AKNA: variants seen among roughly 807,000 people sequenced by gnomAD.
AKNA encodes the protein microtubule organization protein AKNA.
In AKNA, 67 loss-of-function variants were observed where a neutral mutation model predicts 138.8. That is an observed-to-expected ratio of 0.48 (90% CI 0.40 to 0.59). The LOEUF (loss-of-function observed/expected upper bound fraction) is 0.59. Ranked by LOEUF, AKNA falls within the 20% of genes least tolerant of loss-of-function variation. The pLI is 0.00. For synonymous variants in AKNA, 737 were observed against 754.4 expected (o/e 0.98, Z 0.38); for missense variants, 1,813 against 1,880.4 (o/e 0.96, Z 0.66).
At chr9:114,371,827 G>A (rs1832790244) in intron 4 of AKNA, among the ~76,000 whole-genome samples, 1 of 152,162 alleles carries the variant, frequency 6.6e-6, no homozygotes, top group South Asian at 2.1e-4. Context: ...TCTGAGCAGA[G>A]TGAAATGGCT....
In AKNA at chr9:114,366,437, A is replaced by G. The variant is rs372406511; in HGVS notation, c.1728+1106T>C. Among the ~76,000 whole-genome samples the G allele has an allele frequency of 1.2e-3, 176 of 152,280 alleles. 5 individuals carry two copies. In the South Asian group the frequency reaches 0.033, roughly 28 times the overall value. ...AGACATCCACAATAGGCAAGCCTAT[A>G]AAGACAGGAAGCAGAAGAGCAGCCG... On this transcript the variant is annotated intron_variant, in intron 6 of 21. Coordinates refer to ENST00000374088, the MANE Select transcript of AKNA (RefSeq NM_001317950.2).
chr9:114,332,002 G>A, downstream of AKNA: 1 of 1,396,920 alleles, frequency 7.2e-7, no homozygotes, highest in Non-Finnish European at 1.0e-6. Flanking sequence ...GCCCAGAGCA[G>A]GAAAGCTGCC....
chr9:114,396,684 A>C, upstream of AKNA: 1 of 151,142 alleles, frequency 6.6e-6, no homozygotes, highest in African/African-American at 2.4e-5. Flanking sequence ...TCTCAAAAAA[A>C]AAAAGAAAAA....
At chr9:114,382,539 C>T (rs967665465) in intron 1 of AKNA, among the ~76,000 whole-genome samples, 22 of 148,242 alleles carry the variant, frequency 1.5e-4, no homozygotes, top group African/African-American at 5.0e-4. Context: ...GCCATGACAG[C>T]GCCACTGCAC....
upstream of AKNA, among the ~76,000 whole-genome samples, chr9:114,392,507 C>T (rs1436385691): frequency 3.3e-5 from 5 of 152,218 alleles, no homozygotes; most frequent in Admixed American, 6.5e-5. Context: ...TCCCAGATTC[C>T]ACATCTGTAA....
At chr9:114,354,427 T>A (rs531334233) in intron 14 of AKNA, among the ~76,000 whole-genome samples, 2 of 152,224 alleles carry the variant, frequency 1.3e-5, no homozygotes, top group South Asian at 4.1e-4. Flanking sequence ...TAGTTAACAT[T>A]TTTAGGCTGG....
chr9:114,331,652 G>A (rs376804960), downstream of AKNA: 31 of 1,613,832 alleles, frequency 1.9e-5, no homozygotes, highest in Admixed American at 1.7e-5. Flanking sequence ...ACGATGAGAA[G>A]AACTGGGGGC....
chr9:114,382,028 G>A (rs1435582096), intron 1 of AKNA, among the ~76,000 whole-genome samples: 1 of 152,190 alleles, frequency 6.6e-6, no homozygotes, highest in Non-Finnish European at 1.5e-5. Flanking sequence ...GGTGTTGAAT[G>A]CATGCTAGCT....
At chr9:114,350,609 G>T (rs557152924) in intron 15 of AKNA, among the ~76,000 whole-genome samples, 1 of 152,336 alleles carries the variant, frequency 6.6e-6, no homozygotes, top group South Asian at 2.1e-4. Context: ...GAGGGCATAA[G>T]TGTCAGCACC....
At chr9:114,378,278 G>A (rs1833390798) in intron 2 of AKNA, among the ~76,000 whole-genome samples, 1 of 152,118 alleles carries the variant, frequency 6.6e-6, no homozygotes, top group Admixed American at 6.5e-5. Flanking sequence ...TGTCCTTCAG[G>A]CGTTCGCTCA....
chr9:114,394,349 C>G (rs1440104211), intron 1 of AKNA: 2 of 151,946 alleles, frequency 1.3e-5, no homozygotes, highest in Non-Finnish European at 2.9e-5. Flanking sequence ...AAACGAATAC[C>G]ACCTCACCTC....
At chr9:114,374,646 A>G (rs1203462630) in intron 3 of AKNA, among the ~76,000 whole-genome samples, 3 of 152,244 alleles carry the variant, frequency 2.0e-5, no homozygotes, top group African/African-American at 7.2e-5. Flanking sequence ...GAAATAGAAG[A>G]CTTAAAATCA....
intron 1 of AKNA, among the ~76,000 whole-genome samples, chr9:114,385,638 C>T (rs1833974751): frequency 6.6e-6 from 1 of 152,202 alleles, no homozygotes; most frequent in Non-Finnish European, 1.5e-5. Context: ...CTCACTGTAA[C>T]CAGGGGAAGG....
At chr9:114,331,646 T>C (rs140586077), downstream of AKNA, 1 of 1,613,914 alleles carries the variant, frequency 6.2e-7, no homozygotes, top group African/African-American at 1.3e-5. Context: ...ACCTGGACGA[T>C]GAGAAGAACT....
chr9:114,373,951 T>C, intron 4 of AKNA, 142 bp downstream of exon 4: 1 of 770,096 alleles, frequency 1.3e-6, no homozygotes. Context: ...CAGAGGGACC[T>C]TGGGGTAGAA....
intron 13 of AKNA, 133 bp from the exon 14 acceptor site, chr9:114,356,269 A>G: frequency 1.2e-6 from 1 of 801,898 alleles, no homozygotes; most frequent in Non-Finnish European, 1.9e-6. Flanking sequence ...GGGTGGTACA[A>G]TATTTCCAAG....
chr9:114,331,086 A>G (rs1438026183), downstream of AKNA, among the ~76,000 whole-genome samples: 2 of 152,088 alleles, frequency 1.3e-5, no homozygotes, highest in African/African-American at 4.8e-5. Context: ...CCAAGGTCAC[A>G]CAGCTTATAA....
chr9:114,374,017 T>G lies in AKNA; in HGVS notation c.1416+76A>C. 2.0e-6 allele frequency: 3 copies of G among 1,471,032 alleles called. No individual in the cohort carries two copies. In the South Asian group the frequency reaches 3.7e-5, roughly 18 times the overall value. 91.1% of individuals were successfully genotyped at this position (1,471,032 alleles called of 1,614,324 possible). ...TCAGTAGATGGAGGAGGCAGTGGCC[T>G]TTCTCTAGGACTATGGAAAAGTGTC... On this transcript the variant is annotated intron_variant, in intron 4 of 21. Coordinates refer to ENST00000374088, the MANE Select transcript of AKNA (RefSeq NM_001317950.2).
In AKNA at chr9:114,359,943, C is replaced by T. The variant is rs928364094; in HGVS notation, c.2244G>A (p.Arg748=). The part of the protein sequence containing the change: ...DRPQDPLARL[R]HKELQMEQVY... ...CTTGCTCCATCTGCAGCTCCTTGTG[C>T]CTGAGTCGGGCCAGGGGGTCCTGTG... The change falls in exon 10 of 22, where the codon AGG becomes AGA. Residue 748 remains arginine, a synonymous_variant. Coordinates refer to ENST00000374088, the MANE Select transcript of AKNA (RefSeq NM_001317950.2). The T allele has an allele frequency of 3.7e-6, 6 of 1,614,110 alleles. No individual in the cohort carries two copies. Among genetic ancestry groups the T allele is most frequent in the Middle Eastern group, 1.6e-4 (1 of 6,084 alleles).
Sources: allele counts gnomAD v4.1 joint callset (sites outside exome capture counted in the v4.1 genomes callset), GRCh38; gene constraint gnomAD v4.1.1; transcripts MANE v1.5; gene names NCBI Gene and HGNC (gene_info 2026-07-23, HGNC 2026-07-21).